ZSWIM5: variants seen among roughly 807,000 people sequenced by gnomAD.
The protein encoded by ZSWIM5 is zinc finger SWIM domain-containing protein 5.
Under a neutral mutation model 119.6 loss-of-function variants are expected in ZSWIM5, and 55 were observed. That is an observed-to-expected ratio of 0.46 (90% CI 0.37 to 0.58). The LOEUF is 0.58. ZSWIM5 is among the 20% of genes least tolerant of loss of function. ZSWIM5 has a pLI of 0.00. For missense variants in ZSWIM5, 1,193 were observed against 1,512.8 expected (o/e 0.79, Z 3.51); for synonymous variants, 537 against 606.9 (o/e 0.88, Z 1.69).
intron 1 of ZSWIM5, among the ~76,000 whole-genome samples, chr1:45,114,845 C>G (rs1645538297): frequency 1.3e-5 from 2 of 152,156 alleles, no homozygotes; most frequent in Admixed American, 6.6e-5. Context: ...GTGGTGATGA[C>G]TCTTAATGAG....
chr1:45,054,971 A>G (rs1299758680), intron 4 of ZSWIM5, among the ~76,000 whole-genome samples: 1 of 151,902 alleles, frequency 6.6e-6, no homozygotes, highest in Non-Finnish European at 1.5e-5. Context: ...CATTACAGGC[A>G]CCTGCCACCA....
intron 11 of ZSWIM5, among the ~76,000 whole-genome samples, chr1:45,027,852 T>G (rs1644929715): frequency 6.6e-6 from 1 of 151,320 alleles, no homozygotes; most frequent in South Asian, 2.1e-4. Flanking sequence ...CTCTTTTCTC[T>G]TTTTCTTCTT....
chr1:45,191,483 C>A (rs1646093115), intron 1 of ZSWIM5, among the ~76,000 whole-genome samples: 1 of 152,184 alleles, frequency 6.6e-6, no homozygotes, highest in South Asian at 2.1e-4. Context: ...GCCTCTTCTC[C>A]CTCAGGTCAG....
At chr1:45,048,781 G>A (rs1032844586) in intron 5 of ZSWIM5, among the ~76,000 whole-genome samples, 2 of 152,096 alleles carry the variant, frequency 1.3e-5, no homozygotes. Context: ...TAATTGAGAG[G>A]CCAGGGTATT....
At chr1:45,196,091 G>A (rs536082120) in intron 1 of ZSWIM5, among the ~76,000 whole-genome samples, 16 of 145,180 alleles carry the variant, frequency 1.1e-4, no homozygotes, top group Middle Eastern at 3.6e-3. Context: ...GCCCAGGCTG[G>A]TCTCAAACCC....
Position 45,018,904 on chromosome 1 carries a change from G to A in ZSWIM5, c.3108C>T (p.His1036=), listed in dbSNP as rs746230915. The A allele has an allele frequency of 5.0e-6, 8 of 1,614,100 alleles. No homozygotes were observed. Among genetic ancestry groups the A allele is most frequent in the Non-Finnish European group, 2.5e-6 (3 of 1,180,052 alleles). Residue 1036 remains histidine, a synonymous_variant, in exon 14 of 14, where the codon CAC becomes CAT. Coordinates refer to ENST00000359600, the MANE Select transcript of ZSWIM5 (RefSeq NM_020883.2). This position sits in a 1 kb window ranked among gnomAD's most constrained non-coding sequence, Gnocchi z 6.7. ...CCCAGAGCACATCATTGATGGCTGG[G>A]TGAGTATCCTGGTTGTAGGCCAGGT... ...HLNLAYNQDT[H]PAINDVLWAC...
intron 2 of ZSWIM5, among the ~76,000 whole-genome samples, chr1:45,077,640 C>T (rs901275568): frequency 2.6e-5 from 4 of 152,238 alleles, no homozygotes; most frequent in African/African-American, 9.6e-5. Context: ...ACTGGTCTGA[C>T]CAAAATTTAT....
intron 1 of ZSWIM5, among the ~76,000 whole-genome samples, chr1:45,186,321 C>T (rs1356081021): frequency 2.7e-5 from 4 of 150,316 alleles, no homozygotes; most frequent in Non-Finnish European, 5.9e-5. Context: ...TTAATGGGTG[C>T]AGCACACCAG....
chr1:45,020,787 T>C lies in ZSWIM5; in HGVS notation c.2451A>G (p.Gly817=), dbSNP rs776168082. The C allele has an allele frequency of 7.4e-6, 12 of 1,613,652 alleles. No homozygotes were observed. The Admixed American group carries it at 2.0e-4, about 27-fold the overall frequency. Residue 817 remains glycine (G), a splice_region_variant and synonymous_variant, in exon 12 of 14, where the codon GGA becomes GGG. Coordinates refer to ENST00000359600, the MANE Select transcript of ZSWIM5 (RefSeq NM_020883.2). The part of the protein sequence containing the change: ...LASTMLTAAK[G]DTLRLRTILE... ...GAATTGTTCGGAGTCTCAAAGTGTCTCCTATAGGTGTCAAGAGAAGGGGCA... is the reference window on the plus strand; with the variant it reads ...GAATTGTTCGGAGTCTCAAAGTGTCCCCTATAGGTGTCAAGAGAAGGGGCA...
intron 2 of ZSWIM5, among the ~76,000 whole-genome samples, chr1:45,081,560 G>A (rs1197536853): frequency 1.3e-5 from 2 of 152,258 alleles, no homozygotes; most frequent in African/African-American, 4.8e-5. Flanking sequence ...TGATCCGCCA[G>A]CCTCGGCCTC....
At chr1:45,116,779 T>G (rs1645560857) in intron 1 of ZSWIM5, among the ~76,000 whole-genome samples, 1 of 152,162 alleles carries the variant, frequency 6.6e-6, no homozygotes, top group South Asian at 2.1e-4. Flanking sequence ...TTCAGTATGG[T>G]CAGCAAGGAT....
At chr1:45,178,488 TTGAAGTC>T (rs1390427146) in intron 1 of ZSWIM5, among the ~76,000 whole-genome samples, 11 of 152,164 alleles carry the variant, frequency 7.2e-5, no homozygotes, top group Non-Finnish European at 1.3e-4. Flanking sequence ...AGATTCTACT[TTGAAGTC>T]TGAAGTTTGC....
At chr1:45,111,305 A>G (rs1324205251) in intron 1 of ZSWIM5, among the ~76,000 whole-genome samples, 1 of 152,190 alleles carries the variant, frequency 6.6e-6, no homozygotes, top group Non-Finnish European at 1.5e-5. Context: ...TCCAGACTGA[A>G]GAGGGGGCCA....
At chr1:45,131,218 T>TACA (rs1645654594) in intron 1 of ZSWIM5, among the ~76,000 whole-genome samples, 1 of 152,134 alleles carries the variant, frequency 6.6e-6, no homozygotes, top group Non-Finnish European at 1.5e-5. Flanking sequence ...TCTACTATAG[T>TACA]TTGAAGGTGT....
chr1:45,168,342 G>T (rs1645921814), intron 1 of ZSWIM5, among the ~76,000 whole-genome samples: 1 of 151,894 alleles, frequency 6.6e-6, no homozygotes, highest in Non-Finnish European at 1.5e-5. Context: ...GGCAAGTGGG[G>T]AGGCGGGAGG....
rs147075926 is a variant in ZSWIM5 at position 45,163,068 on chromosome 1, C to T, written c.595+42688G>A. Among the ~76,000 whole-genome samples the T allele has an allele frequency of 7.7e-3, 1,173 of 152,288 alleles. 15 individuals are homozygous for T. Among genetic ancestry groups the T allele is most frequent in the African/African-American group, 0.027 (1,112 of 41,562 alleles). On this transcript the variant is annotated intron_variant, in intron 1 of 13. Coordinates refer to ENST00000359600, the MANE Select transcript of ZSWIM5 (RefSeq NM_020883.2). ...AAGTAGCCTAACTGGGAGGCACCTC[C>T]CAGTAAGGGCCGACTGACACCTCAT...
At chr1:45,051,558 G>A (rs1402619729) in intron 4 of ZSWIM5, among the ~76,000 whole-genome samples, 1 of 152,210 alleles carries the variant, frequency 6.6e-6, no homozygotes, top group East Asian at 1.9e-4. Context: ...TTAAGGCTCT[G>A]TGCTGGTGAA....
chr1:45,101,515 A>G (rs976901022), intron 1 of ZSWIM5, among the ~76,000 whole-genome samples: 1 of 152,202 alleles, frequency 6.6e-6, no homozygotes, highest in Admixed American at 6.5e-5. Flanking sequence ...TAGAAATACC[A>G]TTTGACCCAG....
At position 45,072,488 on chromosome 1, in the gene ZSWIM5, T is replaced by A. The variant is rs1336205556; in HGVS notation, c.953-12241A>T. 6.6e-6 allele frequency among the ~76,000 whole-genome samples: 1 copy of A among 152,016 alleles called. No homozygotes were observed. Among genetic ancestry groups the A allele is most frequent in the Non-Finnish European group, 1.5e-5 (1 of 68,024 alleles). ...TGCTTGTGGGTTATTACTCAAGAAATCTTTGCCCAGTCCAGTGTCCTAGAG... is the reference window on the plus strand; with the variant it reads ...TGCTTGTGGGTTATTACTCAAGAAAACTTTGCCCAGTCCAGTGTCCTAGAG... On this transcript the variant is annotated intron_variant, in intron 2 of 13. Coordinates refer to ENST00000359600, the MANE Select transcript of ZSWIM5 (RefSeq NM_020883.2). This position sits in a 1 kb window ranked among gnomAD's most constrained non-coding sequence, Gnocchi z 4.1.
Sources: allele counts gnomAD v4.1 joint callset (sites outside exome capture counted in the v4.1 genomes callset), GRCh38; gene constraint gnomAD v4.1.1; non-coding constraint Gnocchi (gnomAD v3.1); transcripts MANE v1.5; gene names NCBI Gene and HGNC (gene_info 2026-07-23, HGNC 2026-07-21).